Variants in NFAT5 observed in about 807,000 individuals in gnomAD.
The protein encoded by NFAT5 is nuclear factor of activated T-cells 5.
A neutral mutation model predicts 166.5 loss-of-function variants in NFAT5; 31 were observed. That is an observed-to-expected ratio of 0.19 (90% confidence interval 0.14 to 0.25). The LOEUF (loss-of-function observed/expected upper bound fraction) is 0.25. Among genes scored for constraint, NFAT5 ranks in the 10% least tolerant of loss-of-function variants. The pLI is 1.00. For synonymous variants in NFAT5, 612 were observed against 639.7 expected (o/e 0.96, Z 0.65); for missense variants, 1,449 against 1,821.8 (o/e 0.80, Z 3.72).
At chr16:69,617,997 A>G (rs1178351388) in intron 2 of NFAT5, among the ~76,000 whole-genome samples, 1 of 152,014 alleles carries the variant, frequency 6.6e-6, no homozygotes, top group East Asian at 1.9e-4. Flanking sequence ...TGTCTCTACT[A>G]AAAATACAAA....
At chr16:69,591,317 C>T (rs552422471) in intron 2 of NFAT5, among the ~76,000 whole-genome samples, 20 of 150,878 alleles carry the variant, frequency 1.3e-4, no homozygotes, top group African/African-American at 4.1e-4. Context: ...TTTCTTACTC[C>T]GAGGATGAAG....
chr16:69,700,394 G>T lies in NFAT5; in HGVS notation c.*4043G>T, dbSNP rs964438850. The T allele has an allele frequency of 6.6e-6, 1 of 152,096 alleles. No homozygotes were observed. Among genetic ancestry groups the T allele is most frequent in the Non-Finnish European group, 1.5e-5 (1 of 68,024 alleles). 9.4% of individuals were successfully genotyped at this position (152,096 alleles called of 1,614,324 possible). On this transcript the variant is annotated 3_prime_UTR_variant, in exon 15 of 15. Coordinates refer to ENST00000349945, the MANE Select transcript of NFAT5 (RefSeq NM_138713.4). ...CTCCAGAACTAAGATAATTCTTTTT[G>T]ACCATTTAAGCCTTTATAAATGCGT...
intron 6 of NFAT5, among the ~76,000 whole-genome samples, chr16:69,659,015 A>T (rs1385390731): frequency 6.6e-6 from 1 of 152,122 alleles, no homozygotes; most frequent in African/African-American, 2.4e-5. Context: ...CATACTTTTT[A>T]GTGGCTATTA....
chr16:69,664,484 A>C (rs2036278572), intron 7 of NFAT5, among the ~76,000 whole-genome samples: 1 of 151,792 alleles, frequency 6.6e-6, no homozygotes, highest in African/African-American at 2.4e-5. Flanking sequence ...ACGGGGTTTC[A>C]CCGTGTTAGC....
At chr16:69,608,400 A>C (rs1445602209) in intron 2 of NFAT5, among the ~76,000 whole-genome samples, 1 of 151,298 alleles carries the variant, frequency 6.6e-6, no homozygotes, top group African/African-American at 2.4e-5. Flanking sequence ...TGCATTGAGA[A>C]CCCCGGCCAT....
intron 3 of NFAT5, among the ~76,000 whole-genome samples, chr16:69,637,324 T>G (rs1156429786): frequency 6.6e-6 from 1 of 152,238 alleles, no homozygotes; most frequent in Non-Finnish European, 1.5e-5. Context: ...CCCTCCAAAC[T>G]GTTCCAAACT....
chr16:69,696,940 C>T lies in NFAT5; in HGVS notation c.*589C>T, dbSNP rs1319343391. ...AGATAAAAGTACTCTTGATTTAACA[C>T]AAAGGCAGATGATACACTTATAAAA... is the stretch of plus-strand genomic sequence containing the variant. On this transcript the variant is annotated 3_prime_UTR_variant, in exon 15 of 15. Coordinates refer to ENST00000349945, the MANE Select transcript of NFAT5 (RefSeq NM_138713.4). The T allele has an allele frequency of 6.6e-6, 1 of 152,524 alleles. No homozygotes were observed. The highest frequency in any genetic ancestry group is 1.5e-5 in the Non-Finnish European group (1 of 68,028). 9.4% of individuals were successfully genotyped at this position (152,524 alleles called of 1,614,324 possible). A position where few individuals can be genotyped will look rare whatever the true frequency, so the allele number is the denominator to read the frequency against.
chr16:69,566,014 T>G lies in NFAT5; in HGVS notation c.-288T>G. The stretch of plus-strand genomic sequence containing the variant: ...GGTGGCGGCGACCGTCAGTTTTCGC[T>G]GAGGAGAAACACGAAACGGACCCTT... On this transcript the variant is annotated 5_prime_UTR_variant, in exon 1 of 15. Coordinates refer to ENST00000349945, the MANE Select transcript of NFAT5 (RefSeq NM_138713.4). The surrounding 1 kb of genome is among the most constrained non-coding windows in gnomAD (Gnocchi z 5.7). 1 of 318,680 alleles carries G rather than the reference T, an allele frequency of 3.1e-6. No homozygotes were observed. Among genetic ancestry groups the G allele is most frequent in the Non-Finnish European group, 5.8e-6 (1 of 172,732 alleles). The allele number at this position is 318,680 out of a possible 1,614,324, so 19.7% of individuals were successfully genotyped here. A position where few individuals can be genotyped will look rare whatever the true frequency, so the allele number is the denominator to read the frequency against.
chr16:69,669,900 G>A (rs1230412529), intron 7 of NFAT5, 77 bp from the exon 8 acceptor site: 20 of 1,292,866 alleles, frequency 1.5e-5, no homozygotes, highest in Non-Finnish European at 2.1e-5. Context: ...TCATAGAACC[G>A]GATGATTGCA....
At position 69,692,882 on chromosome 16, in the gene NFAT5, G is replaced by A. The variant is rs2037605686; in HGVS notation, c.3057G>A (p.Gln1019=). 3.1e-6 allele frequency: 5 copies of A among 1,614,184 alleles called. No individual in the cohort carries two copies. Among genetic ancestry groups the A allele is most frequent in the East Asian group, 2.2e-5 (1 of 44,888 alleles). ...CTGGAACACAAGCAAAACAGATTCA[G>A]AACAGTGTCTTTCAGACCATGGTCC... ...EETGTQAKQI[Q]NSVFQTMVQM... The change falls in exon 13 of 15, where the codon CAG becomes CAA. Residue 1019 remains glutamine, a synonymous_variant. Transcript: ENST00000349945.
chr16:69,683,705 C>T (rs922014422), intron 10 of NFAT5, among the ~76,000 whole-genome samples: 4 of 152,098 alleles, frequency 2.6e-5, no homozygotes, highest in Non-Finnish European at 5.9e-5. Context: ...CCTGTAATCC[C>T]AGCACTTTGG....
At chr16:69,600,625 G>C (rs2033075973) in intron 2 of NFAT5, among the ~76,000 whole-genome samples, 1 of 152,104 alleles carries the variant, frequency 6.6e-6, no homozygotes, top group South Asian at 2.1e-4. Flanking sequence ...GGGAAAGGAA[G>C]TATGGGAAAT....
intron 2 of NFAT5, among the ~76,000 whole-genome samples, chr16:69,612,308 CA>C (rs2033741054): frequency 6.6e-6 from 1 of 151,912 alleles, no homozygotes; most frequent in Admixed American, 6.6e-5. Flanking sequence ...GAAATAGATA[CA>C]AAGATGATTT....
intron 7 of NFAT5, among the ~76,000 whole-genome samples, chr16:69,668,461 G>T (rs2151667707): frequency 6.6e-6 from 1 of 152,188 alleles, no homozygotes; most frequent in South Asian, 2.1e-4. Flanking sequence ...ACATAATGAG[G>T]TTTCATGGGA....
chr16:69,673,687 C>T (rs1381333045), intron 9 of NFAT5, among the ~76,000 whole-genome samples: 1 of 151,804 alleles, frequency 6.6e-6, no homozygotes, highest in African/African-American at 2.4e-5. Context: ...TCCGCCACTG[C>T]ACTTCCACGT....
chr16:69,587,505 T>C (rs1193212858), intron 2 of NFAT5, among the ~76,000 whole-genome samples: 2 of 152,012 alleles, frequency 1.3e-5, no homozygotes, highest in African/African-American at 4.8e-5. Flanking sequence ...TTCTCCTACC[T>C]TAGCCTCCTA....
In NFAT5 at chr16:69,649,827, G is replaced by A. The variant is rs1255094924; in HGVS notation, c.812+2241G>A. ...AAATCTACAATTTATATCATACTAAGTATTTAGAAAATGTACTTTAAAATG... is the reference window on the plus strand; with the variant it reads ...AAATCTACAATTTATATCATACTAAATATTTAGAAAATGTACTTTAAAATG... On this transcript the variant is annotated intron_variant, in intron 4 of 14. Coordinates refer to ENST00000349945, the MANE Select transcript of NFAT5 (RefSeq NM_138713.4). 2.0e-5 allele frequency among the ~76,000 whole-genome samples: 3 copies of A among 151,784 alleles called. No individual in the cohort carries two copies. The East Asian group carries it at 5.8e-4, about 29-fold the overall frequency.
intron 1 of NFAT5, among the ~76,000 whole-genome samples, 155 bp from the exon 2 acceptor site, chr16:69,568,340 A>ATGTGTGTG (rs1289905200): frequency 5.7e-4 from 22 of 38,520 alleles, no homozygotes; most frequent in African/African-American, 2.7e-3. Flanking sequence ...GTGTGTATAT[A>ATGTGTGTG]TATATATGTG....
At position 69,698,729 on chromosome 16, in the gene NFAT5, C is replaced by T. The variant is rs2037839566; in HGVS notation, c.*2378C>T. 1 of 152,554 alleles carries T rather than the reference C, an allele frequency of 6.6e-6. No individual in the cohort carries two copies. The highest frequency in any genetic ancestry group is 6.6e-5 in the Admixed American group (1 of 15,254). 9.5% of individuals were successfully genotyped at this position (152,554 alleles called of 1,614,324 possible). On this transcript the variant is annotated 3_prime_UTR_variant, in exon 15 of 15. Transcript: ENST00000349945. ...ACAAGAATGAGCCATTCAGTCTTTGCTCACTATATATTTAATATTTTATTA... is the reference window on the plus strand; with the variant it reads ...ACAAGAATGAGCCATTCAGTCTTTGTTCACTATATATTTAATATTTTATTA...
Sources: allele counts gnomAD v4.1 joint callset (sites outside exome capture counted in the v4.1 genomes callset), GRCh38; gene constraint gnomAD v4.1.1; non-coding constraint Gnocchi (gnomAD v3.1); transcripts MANE v1.5; gene names NCBI Gene and HGNC (gene_info 2026-07-23, HGNC 2026-07-21).